The following SLC8A3 variants were observed in gnomAD, a reference collection of about 807,000 sequenced individuals.
SLC8A3 encodes the protein sodium/calcium exchanger 3.
Under a neutral mutation model 65.4 loss-of-function variants are expected in SLC8A3, and 37 were observed. That is an observed-to-expected ratio of 0.57 (90% CI 0.44 to 0.74). The LOEUF is 0.74. Ranked by LOEUF, SLC8A3 falls within the 30% of genes least tolerant of loss-of-function variation. The pLI, the probability that SLC8A3 is intolerant of heterozygous loss-of-function variation, is 0.00. For missense variants in SLC8A3, 1,112 were observed against 1,172.1 expected (o/e 0.95, Z 0.75); for synonymous variants, 461 against 444.5 (o/e 1.04, Z -0.47).
At chr14:70,086,113 C>A (rs970338044) in intron 2 of SLC8A3, among the ~76,000 whole-genome samples, 1 of 152,196 alleles carries the variant, frequency 6.6e-6, no homozygotes, top group Non-Finnish European at 1.5e-5. Context: ...TTATAGCCAG[C>A]ATTTATTGAG....
At chr14:70,047,834 G>T (rs1201496590) in intron 6 of SLC8A3, 2 of 152,220 alleles carry the variant, frequency 1.3e-5, no homozygotes, top group African/African-American at 2.4e-5. Flanking sequence ...TAAAGAACCT[G>T]GGCTAGTGCA....
At chr14:70,115,781 G>A (rs1033412541) in intron 2 of SLC8A3, among the ~76,000 whole-genome samples, 1 of 152,124 alleles carries the variant, frequency 6.6e-6, no homozygotes, top group Non-Finnish European at 1.5e-5. Context: ...ACTGTGACCT[G>A]GGGCAAGTTA....
At position 70,167,050 on chromosome 14, in the gene SLC8A3, C is replaced by T. The variant is rs748073880; in HGVS notation, c.1373G>A (p.Gly458Glu). ...FTEGTVVLKP[G>E]ETQKEFSVGI... ...CACGGAGAACTCCTTCTGGGTCTCTCCTGGCTTCAGAACCACCGTGCCCTC... is the reference window on the plus strand; with the variant it reads ...CACGGAGAACTCCTTCTGGGTCTCTTCTGGCTTCAGAACCACCGTGCCCTC... The change falls in exon 2 of 7, where the codon GGA (glycine) becomes GAA (glutamate). Residue 458 changes from glycine (G) to glutamate (E), a missense_variant. Transcript: ENST00000356921. 3.7e-6 allele frequency: 6 copies of T among 1,613,830 alleles called. No individual in the cohort carries two copies. Among genetic ancestry groups the T allele is most frequent in the Non-Finnish European group, 5.1e-6 (6 of 1,180,046 alleles).
At chr14:70,094,951 C>T (rs1892058622) in intron 2 of SLC8A3, among the ~76,000 whole-genome samples, 2 of 152,214 alleles carry the variant, frequency 1.3e-5, no homozygotes, top group Non-Finnish European at 2.9e-5. Context: ...GGCTAAAGCA[C>T]AGGCCCTTAG....
At position 70,045,016 on chromosome 14, in the gene SLC8A3, T is replaced by C. The variant is rs996857309; in HGVS notation, c.*931A>G. 2.6e-5 allele frequency: 4 copies of C among 152,210 alleles called. No individual in the cohort carries two copies. The highest frequency in any genetic ancestry group is 5.9e-5 in the Non-Finnish European group (4 of 68,052). The allele number at this position is 152,210 out of a possible 1,614,324, so 9.4% of individuals were successfully genotyped here. ...CCTTTGTCGTCACACACCATTCCTA[T>C]TTTTGTCCCATCTCTTCTATTTGGC... is the stretch of plus-strand genomic sequence containing the variant. On this transcript the variant is annotated 3_prime_UTR_variant, in exon 7 of 7. Transcript: ENST00000356921.
intron 2 of SLC8A3, among the ~76,000 whole-genome samples, chr14:70,099,191 G>T (rs753242717): frequency 6.6e-6 from 1 of 152,084 alleles, no homozygotes; most frequent in African/African-American, 2.4e-5. Context: ...TTAAAAAGCG[G>T]GGTCAGCAAA....
At chr14:70,119,196 C>CT (rs1444632020) in intron 2 of SLC8A3, among the ~76,000 whole-genome samples, 2 of 150,244 alleles carry the variant, frequency 1.3e-5, no homozygotes, top group African/African-American at 4.9e-5. Flanking sequence ...TCTTTTCCCC[C>CT]CACCCTGGTG....
At chr14:70,133,318 G>A (rs1429670127) in intron 2 of SLC8A3, among the ~76,000 whole-genome samples, 2 of 152,110 alleles carry the variant, frequency 1.3e-5, no homozygotes, top group African/African-American at 2.4e-5. Flanking sequence ...CACTCAACAG[G>A]CTGGACAAAT....
intron 2 of SLC8A3, among the ~76,000 whole-genome samples, chr14:70,094,046 G>A (rs1566775333): frequency 6.6e-6 from 1 of 152,234 alleles, no homozygotes; most frequent in Non-Finnish European, 1.5e-5. Context: ...TGGAAAAGTG[G>A]CCAGGGGAGC....
At chr14:70,057,345 C>A (rs749064672) in intron 3 of SLC8A3, among the ~76,000 whole-genome samples, 3 of 146,108 alleles carry the variant, frequency 2.1e-5, no homozygotes, top group Admixed American at 6.8e-5. Context: ...TAGGCAAGAG[C>A]TTGTTTATTC....
chr14:70,137,385 A>AC (rs1227424255), intron 2 of SLC8A3, among the ~76,000 whole-genome samples: 2 of 151,834 alleles, frequency 1.3e-5, no homozygotes, highest in Non-Finnish European at 2.9e-5. Context: ...CTCGTGATCC[A>AC]CCCCACATCG....
chr14:70,057,151 G>T (rs140659003), intron 3 of SLC8A3, among the ~76,000 whole-genome samples: 1 of 152,290 alleles, frequency 6.6e-6, no homozygotes, highest in South Asian at 2.1e-4. Context: ...CAGCCACTGA[G>T]ATATATGTGG....
chr14:70,129,036 A>G (rs1290124484), intron 2 of SLC8A3, among the ~76,000 whole-genome samples: 1 of 152,194 alleles, frequency 6.6e-6, no homozygotes, highest in African/African-American at 2.4e-5. Context: ...CTAAATCCCA[A>G]CACATATCTC....
Position 70,178,825 on chromosome 14 carries a change from T to C in SLC8A3, c.-63+9554A>G, listed in dbSNP as rs1248686622. Among the ~76,000 whole-genome samples the C allele has an allele frequency of 2.0e-5, 3 of 152,208 alleles. No homozygotes were observed. In the East Asian group the frequency reaches 5.8e-4, roughly 29 times the overall value. On this transcript the variant is annotated intron_variant, in intron 1 of 6. Coordinates refer to ENST00000356921, the MANE Select transcript of SLC8A3 (RefSeq NM_182932.3). ...ATATTACATCTCTCACCTGGACTACTGCAACAGCTGCCAACCTTGCTCCAC... is the reference window on the plus strand; with the variant it reads ...ATATTACATCTCTCACCTGGACTACCGCAACAGCTGCCAACCTTGCTCCAC...
intron 2 of SLC8A3, among the ~76,000 whole-genome samples, chr14:70,076,939 G>A (rs993068339): frequency 3.8e-4 from 58 of 152,242 alleles, no homozygotes; most frequent in African/African-American, 1.3e-3. Context: ...ACAAATTACC[G>A]AATCTCTATG....
intron 2 of SLC8A3, among the ~76,000 whole-genome samples, chr14:70,099,468 C>T (rs1367872054): frequency 6.6e-6 from 1 of 152,202 alleles, no homozygotes; most frequent in East Asian, 1.9e-4. Context: ...AGCATAATGA[C>T]TGTAAAGAAT....
intron 2 of SLC8A3, among the ~76,000 whole-genome samples, chr14:70,083,912 C>T (rs1235669104): frequency 1.3e-5 from 2 of 152,156 alleles, no homozygotes; most frequent in Non-Finnish European, 2.9e-5. Flanking sequence ...TGAAGATGGT[C>T]CATTTCCATG....
At position 70,083,675 on chromosome 14, in the gene SLC8A3, T is replaced by C. The variant is rs561336677; in HGVS notation, c.1785-22736A>G. Among the ~76,000 whole-genome samples the C allele has an allele frequency of 5.3e-5, 8 of 152,310 alleles. No individual in the cohort carries two copies. The East Asian group carries it at 1.2e-3, about 22-fold the overall frequency. On this transcript the variant is annotated intron_variant, in intron 2 of 6. Coordinates refer to ENST00000356921, the MANE Select transcript of SLC8A3 (RefSeq NM_182932.3). ...TCATTTTATTCTCTTAACAGCCCAG[T>C]GAAGTCTATGCAGTTAGGCTCACTT...
chr14:70,078,423 T>G (rs1240890630), intron 2 of SLC8A3, among the ~76,000 whole-genome samples: 1 of 152,218 alleles, frequency 6.6e-6, no homozygotes, highest in African/African-American at 2.4e-5. Flanking sequence ...TCTGAAGAAC[T>G]AAAGAGCTCC....
Sources: gnomAD v4.1 joint callset for allele counts (sites outside exome capture counted in the v4.1 genomes callset) on GRCh38, gnomAD v4.1.1 for gene constraint, MANE v1.5 for transcripts, NCBI Gene and HGNC (gene_info 2026-07-23, HGNC 2026-07-21) for gene names.